Variants in PPM1B observed in about 807,000 individuals in gnomAD.
PPM1B encodes the protein protein phosphatase 1B.
Under a neutral mutation model 43.0 loss-of-function variants are expected in PPM1B, and 22 were observed. The ratio of observed to expected loss-of-function variants is 0.51; its 90% CI spans 0.37 to 0.73. PPM1B has a LOEUF of 0.73. Ranked by LOEUF, PPM1B falls within the 30% of genes least tolerant of loss-of-function variation. The probability of loss-of-function intolerance (pLI) is 0.00; values close to 1 mark genes in which losing one functional copy is unlikely to be tolerated. For synonymous variants in PPM1B, 217 were observed against 197.9 expected (o/e 1.10, Z -0.81); for missense variants, 632 against 584.2 (o/e 1.08, Z -0.84).
intron 2 of PPM1B, among the ~76,000 whole-genome samples, chr2:44,206,052 G>T (rs1014862791): frequency 6.6e-6 from 1 of 152,096 alleles, no homozygotes; most frequent in African/African-American, 2.4e-5. Flanking sequence ...GTATCAGATT[G>T]TTTTCTGTTT....
At chr2:44,196,638 C>G (rs1668676445) in intron 1 of PPM1B, among the ~76,000 whole-genome samples, 1 of 152,210 alleles carries the variant, frequency 6.6e-6, no homozygotes, top group Non-Finnish European at 1.5e-5. Flanking sequence ...TGGCATTCTT[C>G]TGCATTAAAG....
At chr2:44,199,257 C>CA (rs532178447) in intron 1 of PPM1B, among the ~76,000 whole-genome samples, 761 of 33,754 alleles carry the variant, frequency 0.023, 5 homozygotes, top group South Asian at 0.074. Flanking sequence ...GATTCCATCT[C>CA]AAAAAAAAAA....
downstream of PPM1B, among the ~76,000 whole-genome samples, chr2:44,236,451 T>C (rs978414108): frequency 1.4e-5 from 2 of 140,408 alleles, no homozygotes; most frequent in African/African-American, 5.2e-5. Context: ...GGTCTTCCTA[T>C]ATGAAAATAA....
intron 5 of PPM1B, among the ~76,000 whole-genome samples, chr2:44,221,512 G>C (rs543744334): frequency 6.6e-6 from 1 of 152,172 alleles, no homozygotes; most frequent in Non-Finnish European, 1.5e-5. Flanking sequence ...ATGTTAACTT[G>C]CGGGGTGGGA....
intron 1 of PPM1B, among the ~76,000 whole-genome samples, chr2:44,177,609 G>T (rs1355909453): frequency 2.0e-5 from 3 of 151,592 alleles, no homozygotes; most frequent in Non-Finnish European, 4.4e-5. Context: ...AGTAGAGACA[G>T]GGGTCTCACC....
chr2:44,217,184 G>C (rs1414651041), intron 3 of PPM1B, among the ~76,000 whole-genome samples: 1 of 152,058 alleles, frequency 6.6e-6, no homozygotes, highest in East Asian at 1.9e-4. Context: ...TGGATCACCT[G>C]AGGTTGGGAG....
chr2:44,196,918 A>G (rs1328284937), intron 1 of PPM1B, among the ~76,000 whole-genome samples: 1 of 152,190 alleles, frequency 6.6e-6, no homozygotes, highest in Non-Finnish European at 1.5e-5. Context: ...GTTTGGCAAA[A>G]TCACAGGTGG....
At chr2:44,200,241 C>T (rs965823560) in intron 1 of PPM1B, among the ~76,000 whole-genome samples, 2 of 152,160 alleles carry the variant, frequency 1.3e-5, no homozygotes, top group Admixed American at 6.5e-5. Context: ...CCCAAGGTCA[C>T]CTAGTTAGAG....
At position 44,192,430 on chromosome 2, in the gene PPM1B, G is replaced by C. The variant is rs558299375; in HGVS notation, c.-14-8756G>C. Among the ~76,000 whole-genome samples the C allele has an allele frequency of 6.6e-5, 10 of 152,132 alleles. No homozygotes were observed. The East Asian group carries it at 1.7e-3, about 26-fold the overall frequency. On this transcript the variant is annotated intron_variant, in intron 1 of 5. Coordinates refer to ENST00000282412, the MANE Select transcript of PPM1B (RefSeq NM_002706.6). ...GGGGTTTCGCCATGTTGGCCAGGGT[G>C]GTCTCAAACTCCTGACCTCAGGTGA...
chr2:44,227,910 T>C (rs1387392152), intron 5 of PPM1B, among the ~76,000 whole-genome samples: 2 of 142,168 alleles, frequency 1.4e-5, no homozygotes, highest in South Asian at 2.3e-4. Context: ...ACTTTTTTTT[T>C]CTTTTTCTTT....
chr2:44,233,682 C>A (rs1279270413), downstream of PPM1B: 1 of 985,658 alleles, frequency 1.0e-6, no homozygotes, highest in East Asian at 1.1e-4. Flanking sequence ...ATGGTATTTT[C>A]TGTAACGTTT....
chr2:44,209,091 G>A, intron 2 of PPM1B, 119 bp from the exon 3 acceptor site: 1 of 875,180 alleles, frequency 1.1e-6, no homozygotes. Context: ...AAAAATGAAT[G>A]TGTTAAACAT....
downstream of PPM1B, chr2:44,233,937 G>T (rs778994901): frequency 5.1e-6 from 5 of 985,230 alleles, no homozygotes; most frequent in Non-Finnish European, 4.8e-6. Context: ...ATGGTTTATC[G>T]TTCAAACTGT....
intron 1 of PPM1B, among the ~76,000 whole-genome samples, chr2:44,175,702 G>T (rs137962493): frequency 6.6e-6 from 1 of 151,900 alleles, no homozygotes; most frequent in African/African-American, 2.4e-5. Context: ...AAAGGAAGAG[G>T]TTTTCTGTAA....
chr2:44,178,604 GA>G (rs1467330894), intron 1 of PPM1B, among the ~76,000 whole-genome samples: 1 of 151,904 alleles, frequency 6.6e-6, no homozygotes. Context: ...AAGTAGCTGG[GA>G]TTACAGGCAC....
chr2:44,245,205 C>T (rs1039590269), downstream of PPM1B, among the ~76,000 whole-genome samples: 5 of 152,154 alleles, frequency 3.3e-5, no homozygotes, highest in South Asian at 6.2e-4. Flanking sequence ...GAAGTTTTAA[C>T]AGTAGTTCTG....
intron 1 of PPM1B, among the ~76,000 whole-genome samples, chr2:44,191,837 C>G (rs1396028563): frequency 2.6e-5 from 4 of 151,948 alleles, no homozygotes; most frequent in African/African-American, 9.7e-5. Flanking sequence ...CCTTTTTTCC[C>G]TCTGGGAAAT....
At chr2:44,186,176 TTAC>T (rs1668108399) in intron 1 of PPM1B, among the ~76,000 whole-genome samples, 1 of 152,216 alleles carries the variant, frequency 6.6e-6, no homozygotes, top group Non-Finnish European at 1.5e-5. Flanking sequence ...TTAGATTTTA[TTAC>T]TACTATCATT....
At chr2:44,246,242 A>T (rs1670851919), downstream of PPM1B, among the ~76,000 whole-genome samples, 1 of 152,122 alleles carries the variant, frequency 6.6e-6, no homozygotes, top group Non-Finnish European at 1.5e-5. Context: ...TTTAACACCG[A>T]AATATTGAAC....
Sources: gnomAD v4.1 joint callset for allele counts (sites outside exome capture counted in the v4.1 genomes callset) on GRCh38, gnomAD v4.1.1 for gene constraint, MANE v1.5 for transcripts, NCBI Gene and HGNC (gene_info 2026-07-23, HGNC 2026-07-21) for gene names.